C4orf51: variants seen among roughly 807,000 people sequenced by gnomAD.
C4orf51 encodes the protein uncharacterized protein C4orf51.
In C4orf51, 25 loss-of-function variants were observed where a neutral mutation model predicts 25.2. The observed-to-expected ratio is 0.99, with a 90% CI of 0.72 to 1.39. The LOEUF is 1.39. C4orf51 is among the 40% of genes most tolerant of loss of function. The pLI is 0.00. For synonymous variants in C4orf51, 100 were observed against 84.5 expected (o/e 1.18, Z -1.01); for missense variants, 252 against 239.6 (o/e 1.05, Z -0.34).
chr4:145,713,864 A>G (rs1731261548), intron 2 of C4orf51, among the ~76,000 whole-genome samples: 1 of 151,790 alleles, frequency 6.6e-6, no homozygotes, highest in Non-Finnish European at 1.5e-5. Flanking sequence ...CTCACTGCAA[A>G]CTCCGCCTCC....
At chr4:145,742,383 T>TTGC (rs1733146281) in intron 1 of C4orf51, among the ~76,000 whole-genome samples, 1 of 152,192 alleles carries the variant, frequency 6.6e-6, no homozygotes, top group Non-Finnish European at 1.5e-5. Context: ...TTTGCTGTTG[T>TTGC]TGCTGCTGCT....
downstream of C4orf51, among the ~76,000 whole-genome samples, chr4:145,775,327 A>C (rs1297412264): frequency 6.6e-6 from 1 of 152,226 alleles, no homozygotes; most frequent in Non-Finnish European, 1.5e-5. Context: ...TACAGAAATG[A>C]AACATAAAAT....
intron 1 of C4orf51, among the ~76,000 whole-genome samples, chr4:145,692,188 T>A (rs1274208328): frequency 1.3e-5 from 2 of 152,196 alleles, no homozygotes; most frequent in East Asian, 3.8e-4. Context: ...TAAGTACTAT[T>A]CATTGACAGA....
At chr4:145,725,563 T>C (rs1274233698) in intron 2 of C4orf51, among the ~76,000 whole-genome samples, 1 of 151,774 alleles carries the variant, frequency 6.6e-6, no homozygotes. Flanking sequence ...AGTAACAAAA[T>C]CTAGTATATT....
At chr4:145,743,113 G>A (rs1168233965) in intron 1 of C4orf51, among the ~76,000 whole-genome samples, 2 of 152,194 alleles carry the variant, frequency 1.3e-5, no homozygotes, top group Non-Finnish European at 2.9e-5. Context: ...GAAATACATG[G>A]TAAGGGTCAG....
At chr4:145,791,295 C>T in the C4orf51 span, among the ~76,000 whole-genome samples, 3 of 152,156 alleles carry the variant, frequency 2.0e-5, no homozygotes, top group Middle Eastern at 3.2e-3. Flanking sequence ...ATAAGGGCCT[C>T]TTTTATAGGG....
In C4orf51 at chr4:145,761,820, G is replaced by A. The variant is rs1734551115; in HGVS notation, n.167-9168G>A. Among the ~76,000 whole-genome samples, 1 of 152,172 alleles carries A rather than the reference G, an allele frequency of 6.6e-6. No homozygotes were observed. The highest frequency in any genetic ancestry group is 1.5e-5 in the Non-Finnish European group (1 of 68,018). On this transcript the variant is annotated intron_variant and non_coding_transcript_variant, in intron 1 of 1. Coordinates refer to the C4orf51 transcript ENST00000510096. This position sits in a 1 kb window ranked among gnomAD's most constrained non-coding sequence, Gnocchi z 6.8. ...CTGACAAGCAGCTCTGGCAAGGTCC[G>A]CTCAGCCTATTCTGGGTCTCTTGGC...
intron 1 of C4orf51, among the ~76,000 whole-genome samples, chr4:145,686,135 G>A (rs1729139164): frequency 1.3e-5 from 2 of 152,158 alleles, no homozygotes; most frequent in African/African-American, 4.8e-5. Flanking sequence ...CACCTTGAAA[G>A]CTTTATGCTA....
intron 1 of C4orf51, among the ~76,000 whole-genome samples, chr4:145,682,613 A>G (rs529679934): frequency 2.6e-5 from 4 of 152,326 alleles, no homozygotes; most frequent in African/African-American, 7.2e-5. Flanking sequence ...TACCACATAC[A>G]TTGAATATTC....
At chr4:145,693,946 A>G (rs1729820774) in intron 1 of C4orf51, among the ~76,000 whole-genome samples, 1 of 144,388 alleles carries the variant, frequency 6.9e-6, no homozygotes, top group African/African-American at 2.6e-5. Context: ...CACTTCCCAG[A>G]TGGGGTGGCT....
chr4:145,784,674 T>G, the C4orf51 span, among the ~76,000 whole-genome samples: 5 of 152,252 alleles, frequency 3.3e-5, no homozygotes, highest in Admixed American at 6.5e-5. Flanking sequence ...CAATAACTGC[T>G]TTTAAGTTAG....
intron 1 of C4orf51, among the ~76,000 whole-genome samples, chr4:145,769,174 C>T (rs1041322791): frequency 6.6e-6 from 1 of 151,806 alleles, no homozygotes; most frequent in Non-Finnish European, 1.5e-5. Flanking sequence ...AAATCTTGCT[C>T]CTATTAGAAC....
chr4:145,689,628 C>T (rs1300497096), intron 1 of C4orf51, among the ~76,000 whole-genome samples: 2 of 151,984 alleles, frequency 1.3e-5, no homozygotes, highest in Non-Finnish European at 2.9e-5. Flanking sequence ...AAACACCCTC[C>T]AGAAAAGTTA....
chr4:145,694,961 C>T (rs1223697038), intron 1 of C4orf51, among the ~76,000 whole-genome samples: 4 of 151,940 alleles, frequency 2.6e-5, no homozygotes, highest in Admixed American at 6.5e-5. Flanking sequence ...TCACTAAAGA[C>T]GATAAGAAAG....
At chr4:145,784,790 A>T in the C4orf51 span, among the ~76,000 whole-genome samples, 2 of 152,168 alleles carry the variant, frequency 1.3e-5, no homozygotes, top group Non-Finnish European at 2.9e-5. Context: ...TATTTTACAT[A>T]GCTTGAATGT....
intron 2 of C4orf51, among the ~76,000 whole-genome samples, chr4:145,709,219 CAAA>C (rs954563834): frequency 1.3e-5 from 2 of 151,492 alleles, no homozygotes; most frequent in East Asian, 3.9e-4. Flanking sequence ...GGTTCTAACT[CAAA>C]AAAAAGCAAG....
chr4:145,696,447 TA>T, intron 1 of C4orf51, 111 bp from the exon 2 acceptor site: 1 of 903,912 alleles, frequency 1.1e-6, no homozygotes, highest in Non-Finnish European at 1.8e-6. Context: ...CTCCCAAACC[TA>T]AAATGAAAGT....
chr4:145,709,236 G>A (rs1731001924), intron 2 of C4orf51, among the ~76,000 whole-genome samples: 1 of 152,222 alleles, frequency 6.6e-6, no homozygotes, highest in Admixed American at 6.5e-5. Context: ...AAGCAAGTAT[G>A]TGAGGCTTTT....
At chr4:145,696,456 A>G (rs1730061501) in intron 1 of C4orf51, 103 bp from the exon 2 acceptor site, 2 of 964,106 alleles carry the variant, frequency 2.1e-6, no homozygotes, top group Non-Finnish European at 3.3e-6. Context: ...CTAAAATGAA[A>G]GTTTTAAAAA....
Sources: allele counts gnomAD v4.1 joint callset (sites outside exome capture counted in the v4.1 genomes callset), GRCh38; gene constraint gnomAD v4.1.1; non-coding constraint Gnocchi (gnomAD v3.1); transcripts MANE v1.5; gene names NCBI Gene and HGNC (gene_info 2026-07-23, HGNC 2026-07-21).